CHST3: variants seen among roughly 807,000 people sequenced by gnomAD.
The protein encoded by CHST3 is C6ST-1.
CHST3 carries 20 observed loss-of-function variants against 35.4 expected under a neutral mutation model. The observed-to-expected ratio is 0.57, with a 90% CI of 0.40 to 0.82. The LOEUF is 0.82. CHST3 is among the 40% of genes least tolerant of loss of function. The pLI is 0.00. For missense variants in CHST3, 693 were observed against 670.1 expected (o/e 1.03, Z -0.38); for synonymous variants, 334 against 295.9 (o/e 1.13, Z -1.32).
chr10:71,987,962 A>G (rs1839864338), intron 1 of CHST3, among the ~76,000 whole-genome samples: 1 of 152,192 alleles, frequency 6.6e-6, no homozygotes, highest in Non-Finnish European at 1.5e-5. Context: ...GGTGCAGAAC[A>G]AAATGGGAAG....
intron 1 of CHST3, among the ~76,000 whole-genome samples, chr10:71,971,197 G>A (rs541321860): frequency 2.0e-4 from 31 of 152,322 alleles, no homozygotes; most frequent in African/African-American, 7.2e-4. Flanking sequence ...GCTGAGCTGA[G>A]TCAGCGAGCC....
At chr10:71,996,179 T>G (rs77946309) in intron 1 of CHST3, among the ~76,000 whole-genome samples, 17,936 of 152,148 alleles carry the variant, frequency 0.12, 1,037 homozygotes, top group Admixed American at 0.16. Flanking sequence ...CCCTCATTCA[T>G]GAAAGACAAG....
intron 1 of CHST3, among the ~76,000 whole-genome samples, chr10:71,995,182 T>C (rs1839927990): frequency 6.6e-6 from 1 of 152,174 alleles, no homozygotes; most frequent in Non-Finnish European, 1.5e-5. Flanking sequence ...CCCAGCACTT[T>C]GGGAGGCTGA....
intron 1 of CHST3, among the ~76,000 whole-genome samples, chr10:71,972,545 C>CA (rs1839705605): frequency 6.6e-6 from 1 of 152,158 alleles, no homozygotes; most frequent in Admixed American, 6.5e-5. Flanking sequence ...GACCTGGTCA[C>CA]AGGAAGGGTG....
intron 1 of CHST3, among the ~76,000 whole-genome samples, chr10:71,979,195 T>A (rs1274747417): frequency 6.6e-6 from 1 of 152,124 alleles, no homozygotes; most frequent in African/African-American, 2.4e-5. Flanking sequence ...TCCCTTCACA[T>A]CCTGGCCTCA....
chr10:72,006,308 G>T (rs1840038836), intron 2 of CHST3, among the ~76,000 whole-genome samples: 1 of 152,202 alleles, frequency 6.6e-6, no homozygotes, highest in Non-Finnish European at 1.5e-5. Context: ...GACCAGCATT[G>T]TTGTAAAGAT....
At chr10:71,996,821 T>C (rs938367235) in intron 1 of CHST3, among the ~76,000 whole-genome samples, 22 of 152,296 alleles carry the variant, frequency 1.4e-4, no homozygotes, top group African/African-American at 5.3e-4. Flanking sequence ...AGGCAAGAGC[T>C]GGGCTCCTCC....
intron 1 of CHST3, among the ~76,000 whole-genome samples, chr10:71,997,376 G>A (rs1589505111): frequency 6.6e-6 from 1 of 152,246 alleles, no homozygotes; most frequent in East Asian, 1.9e-4. Context: ...TGGAAGAGGT[G>A]CTAGCATCAT....
intron 1 of CHST3, among the ~76,000 whole-genome samples, chr10:71,994,131 A>G (rs1016886743): frequency 2.0e-5 from 3 of 151,362 alleles, no homozygotes; most frequent in African/African-American, 7.3e-5. Context: ...CAGGTGAAAT[A>G]CCATGCACCT....
At chr10:71,967,596 T>C (rs920244491) in intron 1 of CHST3, among the ~76,000 whole-genome samples, 49 of 152,364 alleles carry the variant, frequency 3.2e-4, no homozygotes, top group Non-Finnish European at 1.3e-4. Flanking sequence ...TAGGTTGATT[T>C]CATGTTTTTG....
At chr10:72,006,078 C>G (rs1840036203) in intron 2 of CHST3, 96 bp downstream of exon 2, 1 of 1,499,242 alleles carries the variant, frequency 6.7e-7, no homozygotes, top group South Asian at 1.1e-5. Context: ...CCTGCAAATG[C>G]ATTCCTTCAA....
At chr10:71,976,538 G>A (rs190005146) in intron 1 of CHST3, among the ~76,000 whole-genome samples, 1 of 152,316 alleles carries the variant, frequency 6.6e-6, no homozygotes, top group Admixed American at 6.5e-5. Context: ...TCAGGCTTCA[G>A]GGGTGGCCAT....
intron 1 of CHST3, among the ~76,000 whole-genome samples, chr10:71,980,282 G>A (rs899958766): frequency 1.3e-5 from 2 of 152,148 alleles, no homozygotes; most frequent in African/African-American, 4.8e-5. Context: ...TTGGGAGGCC[G>A]AGGTAGGAAG....
chr10:71,984,411 G>A (rs915519832), intron 1 of CHST3, among the ~76,000 whole-genome samples: 6 of 152,136 alleles, frequency 3.9e-5, no homozygotes, highest in African/African-American at 1.4e-4. Flanking sequence ...CTTGCTTTGT[G>A]CGTTTTGTCT....
At chr10:72,005,697 G>A in intron 1 of CHST3, 39 bp from the exon 2 acceptor site, 1 of 966,240 alleles carries the variant, frequency 1.0e-6, no homozygotes, top group Non-Finnish European at 1.6e-6. Context: ...CATTCCTCGT[G>A]TACAGACAAG....
At chr10:71,979,268 G>T (rs1249765043) in intron 1 of CHST3, among the ~76,000 whole-genome samples, 3 of 152,182 alleles carry the variant, frequency 2.0e-5, no homozygotes, top group Admixed American at 2.0e-4. Flanking sequence ...TTCTCATCTG[G>T]ATAATGAAGG....
At chr10:71,996,694 A>G (rs1839942917) in intron 1 of CHST3, among the ~76,000 whole-genome samples, 1 of 152,128 alleles carries the variant, frequency 6.6e-6, no homozygotes, top group Non-Finnish European at 1.5e-5. Flanking sequence ...CCTACAGGAA[A>G]CAACAGCTAA....
rs121908617 is a variant in CHST3, at chr10:72,007,695, C to A, written c.664C>A (p.Arg222=). The A allele has an allele frequency of 1.2e-6, 2 of 1,607,174 alleles. No homozygotes were observed. Among genetic ancestry groups the A allele is most frequent in the Non-Finnish European group, 1.7e-6 (2 of 1,179,542 alleles). Residue 222 remains arginine (R), a synonymous_variant, in exon 3 of 3, where the codon CGG becomes AGG. Transcript: ENST00000373115. The stretch of plus-strand genomic sequence containing the variant: ...CCACCTGACTCAGTTCATGTTCCGC[C>A]GGGGCTCCAGCCGCTCCCTGTGCGA... The part of the protein sequence containing the change: ...EDHLTQFMFR[R]GSSRSLCEDP...
At chr10:71,971,252 C>T (rs746811710) in intron 1 of CHST3, among the ~76,000 whole-genome samples, 60 of 152,124 alleles carry the variant, frequency 3.9e-4, no homozygotes, top group Non-Finnish European at 4.4e-5. Context: ...CTGGAAGGTT[C>T]TGGTTCCTGC....
Sources: allele counts gnomAD v4.1 joint callset (sites outside exome capture counted in the v4.1 genomes callset), GRCh38; gene constraint gnomAD v4.1.1; transcripts MANE v1.5; gene names NCBI Gene and HGNC (gene_info 2026-07-23, HGNC 2026-07-21).